RBFOX1: variants seen among roughly 807,000 people sequenced by gnomAD.
RBFOX1 encodes RNA binding protein fox-1 homolog 1.
Under a neutral mutation model 57.7 loss-of-function variants are expected in RBFOX1, and 8 were observed. The observed-to-expected ratio is 0.14, with a 90% confidence interval of 0.08 to 0.25. The LOEUF is 0.25. Ranked by LOEUF, RBFOX1 falls within the 10% of genes least tolerant of loss-of-function variation. RBFOX1 has a pLI of 1.00. For missense variants in RBFOX1, 611 were observed against 548.5 expected (o/e 1.11, Z -1.14); for synonymous variants, 326 against 222.4 (o/e 1.47, Z -4.15).
chr16:5,459,506 C>G (rs939256968), intron 1 of RBFOX1, among the ~76,000 whole-genome samples: 2 of 152,172 alleles, frequency 1.3e-5, no homozygotes, highest in Non-Finnish European at 2.9e-5. Context: ...GACCAACCGC[C>G]TGACCACTCT....
At chr16:5,641,893 C>T (rs771610105) in intron 3 of RBFOX1, among the ~76,000 whole-genome samples, 19 of 152,134 alleles carry the variant, frequency 1.2e-4, no homozygotes, top group Non-Finnish European at 1.8e-4. Context: ...TAGGAGTTTG[C>T]TCAGGAGAAG....
intron 3 of RBFOX1, among the ~76,000 whole-genome samples, chr16:5,629,345 G>C (rs1189953326): frequency 6.6e-6 from 1 of 152,152 alleles, no homozygotes; most frequent in Non-Finnish European, 1.5e-5. Context: ...CAGCTAACAA[G>C]AGCAGACCCA....
chr16:5,622,460 C>G (rs1257167018), intron 3 of RBFOX1, among the ~76,000 whole-genome samples: 1 of 152,194 alleles, frequency 6.6e-6, no homozygotes, highest in Non-Finnish European at 1.5e-5. Flanking sequence ...GATGAATAAA[C>G]AAATCCATTG....
intron 1 of RBFOX1, among the ~76,000 whole-genome samples, chr16:6,290,598 A>G (rs952218632): frequency 2.0e-5 from 3 of 152,222 alleles, no homozygotes; most frequent in Non-Finnish European, 2.9e-5. Flanking sequence ...CATGGACAAC[A>G]TAGCGGTCAT....
intron 14 of RBFOX1, among the ~76,000 whole-genome samples, chr16:7,694,969 G>T (rs889575170): frequency 6.6e-6 from 1 of 152,114 alleles, no homozygotes; most frequent in African/African-American, 2.4e-5. Flanking sequence ...AAAAGATATT[G>T]ATTTTGCCCC....
At chr16:6,370,267 A>G (rs2090227843) in intron 2 of RBFOX1, among the ~76,000 whole-genome samples, 1 of 144,530 alleles carries the variant, frequency 6.9e-6, no homozygotes, top group Non-Finnish European at 1.5e-5. Context: ...CTGAGGCAGG[A>G]GAATAGTGTG....
chr16:5,925,870 G>A (rs2058930241), intron 4 of RBFOX1, among the ~76,000 whole-genome samples: 1 of 152,052 alleles, frequency 6.6e-6, no homozygotes, highest in South Asian at 2.1e-4. Context: ...TGCTACCTTG[G>A]GCAGTGTTTC....
rs147252398 is a variant in RBFOX1, at chr16:7,140,575, C to G, written c.27+88477C>G. Among the ~76,000 whole-genome samples, 29 of 152,136 alleles carry G rather than the reference C, an allele frequency of 1.9e-4. No homozygotes were observed. The East Asian group carries it at 5.2e-3, about 27-fold the overall frequency. On this transcript the variant is annotated intron_variant, in intron 4 of 15. Transcript: ENST00000550418. ...ATGAATGCATTGATGAATTTGGGGG[C>G]ATCTTTCTATTTTTTTAAAGGAATG...
chr16:5,696,229 T>C (rs2050838623), intron 3 of RBFOX1, among the ~76,000 whole-genome samples: 1 of 152,240 alleles, frequency 6.6e-6, no homozygotes, highest in Non-Finnish European at 1.5e-5. Context: ...CCCATTTTCA[T>C]TGTCTTCCTT....
At chr16:6,588,560 G>C (rs1206309668) in intron 2 of RBFOX1, among the ~76,000 whole-genome samples, 3 of 152,082 alleles carry the variant, frequency 2.0e-5, no homozygotes, top group African/African-American at 7.2e-5. Flanking sequence ...GCTGAGGCTG[G>C]AGAATCGCTT....
chr16:6,443,891 C>T (rs942453660), intron 2 of RBFOX1, among the ~76,000 whole-genome samples: 1 of 152,078 alleles, frequency 6.6e-6, no homozygotes, highest in Non-Finnish European at 1.5e-5. Flanking sequence ...TGCACTCATT[C>T]AATTAACATT....
chr16:7,518,233 C>G lies in RBFOX1; in HGVS notation c.114C>G (p.Pro38=), dbSNP rs376877653. The G allele has an allele frequency of 6.2e-7, 1 of 1,614,132 alleles. No homozygotes were observed. The highest frequency in any genetic ancestry group is 8.5e-7 in the Non-Finnish European group (1 of 1,180,012). Residue 38 remains proline (P), a synonymous_variant, in exon 5 of 16, where the codon CCC becomes CCG. Coordinates refer to ENST00000550418, the MANE Select transcript of RBFOX1 (RefSeq NM_018723.4). The part of the protein sequence containing the change: ...AQFAPPQNGI[P]AEYTAPHPHP... The stretch of plus-strand genomic sequence containing the variant: ...TTGCTCCCCCGCAGAACGGTATCCC[C>G]GCGGAATACACGGCCCCTCATCCCC...
intron 3 of RBFOX1, among the ~76,000 whole-genome samples, chr16:5,678,719 T>A (rs1461993425): frequency 1.3e-5 from 2 of 152,236 alleles, no homozygotes; most frequent in Admixed American, 1.3e-4. Flanking sequence ...GGACAAATGG[T>A]ACATGGAGTT....
At chr16:6,915,100 T>A (rs991527036) in intron 3 of RBFOX1, among the ~76,000 whole-genome samples, 11 of 152,210 alleles carry the variant, frequency 7.2e-5, no homozygotes, top group Admixed American at 4.6e-4. Flanking sequence ...CACTGAGAAC[T>A]GGCCTGCGGT....
At chr16:7,612,184 G>C (rs2057611634) in intron 10 of RBFOX1, among the ~76,000 whole-genome samples, 1 of 151,884 alleles carries the variant, frequency 6.6e-6, no homozygotes, top group African/African-American at 2.4e-5. Flanking sequence ...AGCCGGGCGT[G>C]GTGGTGGGCG....
At chr16:7,334,453 G>A (rs2096749207) in intron 4 of RBFOX1, among the ~76,000 whole-genome samples, 1 of 152,136 alleles carries the variant, frequency 6.6e-6, no homozygotes, top group Admixed American at 6.6e-5. Flanking sequence ...AAGGTCGGCT[G>A]TTGGAGCTTT....
At chr16:7,411,990 C>T (rs1290048904) in intron 4 of RBFOX1, among the ~76,000 whole-genome samples, 4 of 151,362 alleles carry the variant, frequency 2.6e-5, no homozygotes, top group Non-Finnish European at 5.9e-5. Flanking sequence ...CGCCCAGATG[C>T]CATGTGGTGT....
intron 4 of RBFOX1, 149 bp from the exon 5 acceptor site, chr16:7,517,998 C>A: frequency 2.3e-6 from 2 of 882,358 alleles, no homozygotes; most frequent in Non-Finnish European, 3.4e-6. Context: ...GTGAAGATGA[C>A]CTGAGATTGG....
chr16:6,825,257 A>G (rs567986421), intron 3 of RBFOX1, among the ~76,000 whole-genome samples: 3 of 150,596 alleles, frequency 2.0e-5, no homozygotes, highest in African/African-American at 4.9e-5. Context: ...CTAGATACCA[A>G]TGCCACACCC....
Sources: allele counts gnomAD v4.1 joint callset (sites outside exome capture counted in the v4.1 genomes callset), GRCh38; gene constraint gnomAD v4.1.1; transcripts MANE v1.5; gene names NCBI Gene and HGNC (gene_info 2026-07-23, HGNC 2026-07-21).